The following B3GALT1 variants were observed in gnomAD, a reference collection of about 807,000 sequenced individuals.
B3GALT1 encodes the protein beta-1,3-galactosyltransferase 1.
A neutral mutation model predicts 23.2 loss-of-function variants in B3GALT1; 10 were observed. The observed-to-expected ratio is 0.43, with a 90% confidence interval of 0.27 to 0.73. The LOEUF (loss-of-function observed/expected upper bound fraction) is 0.73. Ranked by LOEUF, B3GALT1 falls within the 30% of genes least tolerant of loss-of-function variation. The pLI is 0.21. For missense variants in B3GALT1, 299 were observed against 405.4 expected, an observed-to-expected ratio of 0.74 and a Z score of 2.25; for synonymous variants, 156 against 141.5, an observed-to-expected ratio of 1.10 and a Z score of -0.73.
intron 3 of B3GALT1, among the ~76,000 whole-genome samples, chr2:167,716,676 A>T (rs1687151361): frequency 6.6e-6 from 1 of 152,138 alleles, no homozygotes; most frequent in African/African-American, 2.4e-5. Flanking sequence ...TAATTAAACT[A>T]ATTGTTGATA....
In B3GALT1 at chr2:167,714,047, T is replaced by C. The variant is rs189268443; in HGVS notation, c.-352+67081T>C. On this transcript the variant is annotated intron_variant, in intron 3 of 4. Transcript: ENST00000392690. ...GGCAGGGAGAGATGAATCAGGCACA[T>C]TTAAATGACCAGGATCATCTTTGGC... 256 of 1,538,560 alleles carry C rather than the reference T, an allele frequency of 1.7e-4. No individual in the cohort carries two copies. The African/African-American group carries it at 3.2e-3, about 19-fold the overall frequency.
intron 3 of B3GALT1, among the ~76,000 whole-genome samples, chr2:167,664,758 CTGTT>C (rs1437674831): frequency 5.9e-5 from 9 of 151,804 alleles, no homozygotes; most frequent in African/African-American, 2.2e-4. Flanking sequence ...ATTTGGCTCT[CTGTT>C]TGTCTGTTAT....
At chr2:167,715,957 A>G in intron 3 of B3GALT1, 1 of 1,613,016 alleles carries the variant, frequency 6.2e-7, no homozygotes, top group Non-Finnish European at 8.5e-7. Flanking sequence ...GGAAAACCAT[A>G]AGGATTCGAA....
At chr2:167,391,754 A>C (rs1234985141) in intron 1 of B3GALT1, among the ~76,000 whole-genome samples, 1 of 151,974 alleles carries the variant, frequency 6.6e-6, no homozygotes, top group African/African-American at 2.4e-5. Context: ...TTTGGTGTTT[A>C]TTTTCCATCC....
chr2:167,557,645 C>T (rs948999105), intron 2 of B3GALT1, among the ~76,000 whole-genome samples: 1 of 152,154 alleles, frequency 6.6e-6, no homozygotes, highest in African/African-American at 2.4e-5. Context: ...ATGGACTGCA[C>T]CCCATCCCAC....
chr2:167,407,490 T>A (rs1234354414), intron 1 of B3GALT1, among the ~76,000 whole-genome samples: 1 of 150,994 alleles, frequency 6.6e-6, no homozygotes, highest in East Asian at 2.0e-4. Context: ...ATAATAAAAA[T>A]CAGAGCAGAA....
At chr2:167,561,460 C>G (rs1476271513) in intron 2 of B3GALT1, among the ~76,000 whole-genome samples, 1 of 151,814 alleles carries the variant, frequency 6.6e-6, no homozygotes, top group Non-Finnish European at 1.5e-5. Context: ...AAAATCAGAG[C>G]AGAACTGAAG....
chr2:167,822,189 G>A (rs1461064277), intron 4 of B3GALT1, among the ~76,000 whole-genome samples: 1 of 152,020 alleles, frequency 6.6e-6, no homozygotes, highest in Non-Finnish European at 1.5e-5. Flanking sequence ...AATCCAAAAT[G>A]GCCAAATCTC....
chr2:167,694,857 A>G (rs771005526), intron 3 of B3GALT1, among the ~76,000 whole-genome samples: 3 of 152,132 alleles, frequency 2.0e-5, no homozygotes, highest in Admixed American at 6.5e-5. Flanking sequence ...TGTCTTTCCA[A>G]TCAATATGTA....
At chr2:167,447,709 A>T (rs914710459) in intron 1 of B3GALT1, among the ~76,000 whole-genome samples, 1 of 152,116 alleles carries the variant, frequency 6.6e-6, no homozygotes, top group Non-Finnish European at 1.5e-5. Context: ...AGACCATTGG[A>T]AAAGCACAAT....
In B3GALT1 at chr2:167,427,978, C is replaced by G. The variant is rs539668684; in HGVS notation, c.-510-62199C>G. Among the ~76,000 whole-genome samples, 10 of 152,280 alleles carry G rather than the reference C, an allele frequency of 6.6e-5. No homozygotes were observed. The East Asian group carries it at 9.7e-4, about 15-fold the overall frequency. On this transcript the variant is annotated intron_variant, in intron 1 of 4. Transcript: ENST00000392690. ...CAAGCTATTCCTTTTCTCTGCCATG[C>G]CCCATGCCTCTCCTAATGCAATAAA... is the stretch of plus-strand genomic sequence containing the variant.
chr2:167,566,855 A>G (rs1160938016), intron 2 of B3GALT1, among the ~76,000 whole-genome samples: 1 of 152,172 alleles, frequency 6.6e-6, no homozygotes, highest in Non-Finnish European at 1.5e-5. Context: ...GTTTAAATAC[A>G]ATAAAATTGG....
At chr2:167,363,313 A>G (rs946221031) in intron 1 of B3GALT1, among the ~76,000 whole-genome samples, 1 of 151,546 alleles carries the variant, frequency 6.6e-6, no homozygotes, top group African/African-American at 2.4e-5. Flanking sequence ...ACTCATTTCT[A>G]ATTGTTTCAC....
chr2:167,780,252 A>G (rs1462766328), intron 3 of B3GALT1, among the ~76,000 whole-genome samples: 2 of 152,208 alleles, frequency 1.3e-5, no homozygotes, highest in South Asian at 2.1e-4. Flanking sequence ...CATTGCACAC[A>G]ATGTTTTAGA....
intron 1 of B3GALT1, among the ~76,000 whole-genome samples, chr2:167,352,460 G>T (rs1231381410): frequency 6.6e-6 from 1 of 150,640 alleles, no homozygotes. Context: ...AGTGGCTCAC[G>T]CCTGTAATCC....
chr2:167,447,956 G>T (rs1699026873), intron 1 of B3GALT1, among the ~76,000 whole-genome samples: 2 of 152,182 alleles, frequency 1.3e-5, no homozygotes, highest in Admixed American at 1.3e-4. Context: ...GGGAGCTGTA[G>T]ACTGGAGCTG....
At chr2:167,702,466 A>T (rs1350849413) in intron 3 of B3GALT1, among the ~76,000 whole-genome samples, 2 of 152,226 alleles carry the variant, frequency 1.3e-5, no homozygotes, top group African/African-American at 2.4e-5. Flanking sequence ...TAGATGAAAT[A>T]GTCATTGGTT....
intron 4 of B3GALT1, chr2:167,862,782 A>C (rs1690129213): frequency 1.3e-5 from 2 of 152,220 alleles, no homozygotes; most frequent in Admixed American, 1.3e-4. Flanking sequence ...AGAATAACAG[A>C]CAATCTACCA....
intron 1 of B3GALT1, among the ~76,000 whole-genome samples, chr2:167,352,519 C>T (rs1409167292): frequency 6.7e-6 from 1 of 148,802 alleles, no homozygotes; most frequent in Non-Finnish European, 1.5e-5. Flanking sequence ...CAGATCGAGA[C>T]CAACCTGGCT....
Sources: allele counts gnomAD v4.1 joint callset (sites outside exome capture counted in the v4.1 genomes callset), GRCh38; gene constraint gnomAD v4.1.1; transcripts MANE v1.5; gene names NCBI Gene and HGNC (gene_info 2026-07-23, HGNC 2026-07-21).